Variants in GLT1D1 observed in about 807,000 individuals in gnomAD.
The protein encoded by GLT1D1 is glycosyltransferase 1 domain-containing protein 1.
GLT1D1 carries 21 observed loss-of-function variants against 28.7 expected under a neutral mutation model. The ratio of observed to expected loss-of-function variants is 0.73; its 90% CI spans 0.52 to 1.05. The LOEUF (loss-of-function observed/expected upper bound fraction) is 1.05, where lower values mean the gene tolerates loss of function less well. Ranked by LOEUF, GLT1D1 falls within the 50% of genes least tolerant of loss-of-function variation. The pLI, the probability that GLT1D1 is intolerant of heterozygous loss-of-function variation, is 0.00. For synonymous variants in GLT1D1, 147 were observed against 124.8 expected (o/e 1.18, Z -1.19); for missense variants, 343 against 330.6 (o/e 1.04, Z -0.29).
rs147077792 is a variant in GLT1D1 at position 128,907,094 on chromosome 12, A to G, written c.375+7807A>G. ...CTTCTCCCTCTTCCTGCATGGCCCCATTGCTTTATGTCTGATTACCTCGGA... is the reference window on the plus strand; with the variant it reads ...CTTCTCCCTCTTCCTGCATGGCCCCGTTGCTTTATGTCTGATTACCTCGGA... On this transcript the variant is annotated intron_variant, in intron 4 of 7. Coordinates refer to ENST00000281703, the MANE Select transcript of GLT1D1 (RefSeq NM_144669.3). The G allele has an allele frequency of 3.8e-5, 24 of 638,906 alleles. 1 individual carries two copies. The highest frequency in any genetic ancestry group is 1.7e-4 in the Admixed American group (7 of 42,200). The allele number at this position is 638,906 out of a possible 1,614,324, so 39.6% of individuals were successfully genotyped here. A position where few individuals can be genotyped will look rare whatever the true frequency, so the allele number is the denominator to read the frequency against.
At chr12:128,943,489 A>G (rs1875611666) in intron 4 of GLT1D1, among the ~76,000 whole-genome samples, 1 of 152,178 alleles carries the variant, frequency 6.6e-6, no homozygotes, top group African/African-American at 2.4e-5. Flanking sequence ...CTGAAAACAT[A>G]TAGATTTTAA....
intron 3 of GLT1D1, among the ~76,000 whole-genome samples, chr12:128,891,668 A>G (rs1869072221): frequency 6.6e-6 from 1 of 152,150 alleles, no homozygotes; most frequent in Admixed American, 6.6e-5. Flanking sequence ...CGGGAGCCTC[A>G]GATTCCTTGT....
rs9300290 is a variant in GLT1D1, at chr12:128,959,420, A to T, written c.639+1777A>T. ...CAGCTTCATGAGGCAGTGGGGGGGG[A>T]CGGGTGGGGAGGTGGCAGCGGGGTG... On this transcript the variant is annotated intron_variant, in intron 7 of 7. Coordinates refer to ENST00000281703, the MANE Select transcript of GLT1D1 (RefSeq NM_144669.3). 6.4e-4 allele frequency among the ~76,000 whole-genome samples: 30 copies of T among 46,894 alleles called. 1 individual carries two copies. In the East Asian group the frequency reaches 0.064, roughly 100 times the overall value. 30.8% of individuals were successfully genotyped at this position (46,894 alleles called of 152,430 possible). A position where few individuals can be genotyped will look rare whatever the true frequency, so the allele number is the denominator to read the frequency against.
chr12:128,892,154 G>T (rs998239231), intron 3 of GLT1D1, among the ~76,000 whole-genome samples: 6 of 152,174 alleles, frequency 3.9e-5, no homozygotes, highest in Non-Finnish European at 8.8e-5. Flanking sequence ...TCAGTGAGCA[G>T]AGGGGTGACT....
intron 6 of GLT1D1, among the ~76,000 whole-genome samples, chr12:128,951,948 G>A (rs962995639): frequency 8.5e-5 from 13 of 152,156 alleles, no homozygotes; most frequent in African/African-American, 2.9e-4. Flanking sequence ...TTCCTTGGAG[G>A]CAGGGCCGTG....
Position 128,926,575 on chromosome 12 carries a change from G to A in GLT1D1, c.376-18751G>A, listed in dbSNP as rs138284503. 576 of 562,592 alleles carry A rather than the reference G, an allele frequency of 1.0e-3. 2 individuals are homozygous for A. Among genetic ancestry groups the A allele is most frequent in the African/African-American group, 8.9e-3 (466 of 52,170 alleles). The allele number at this position is 562,592 out of a possible 1,614,324, so 34.9% of individuals were successfully genotyped here. A position where few individuals can be genotyped will look rare whatever the true frequency, so the allele number is the denominator to read the frequency against. ...TCATTCTTTGCACGTGAGCAGAACT[G>A]TTTCTAGATTGCTACTTTGGAAAAG... On this transcript the variant is annotated intron_variant, in intron 4 of 7. Coordinates refer to ENST00000281703, the MANE Select transcript of GLT1D1 (RefSeq NM_144669.3).
At chr12:128,921,166 C>T (rs968155919) in intron 4 of GLT1D1, among the ~76,000 whole-genome samples, 1 of 151,864 alleles carries the variant, frequency 6.6e-6, no homozygotes, top group Non-Finnish European at 1.5e-5. Context: ...ATAAGCTACT[C>T]AAATCCAAAT....
At chr12:128,875,878 C>G (rs753895212) in intron 1 of GLT1D1, 36 bp from the exon 2 acceptor site, 5 of 1,587,080 alleles carry the variant, frequency 3.2e-6, no homozygotes, top group Non-Finnish European at 4.3e-6. Flanking sequence ...AACATTTTCC[C>G]CTCATCTTCT....
intron 4 of GLT1D1, among the ~76,000 whole-genome samples, chr12:128,917,437 G>C (rs970807129): frequency 1.3e-5 from 2 of 151,938 alleles, no homozygotes; most frequent in Non-Finnish European, 2.9e-5. Flanking sequence ...CACCACACCT[G>C]GCTAATTTTC....
At position 128,875,269 on chromosome 12, in the gene GLT1D1, G is replaced by T. The variant is rs578129022; in HGVS notation, c.69-645G>T. Among the ~76,000 whole-genome samples, 7 of 152,294 alleles carry T rather than the reference G, an allele frequency of 4.6e-5. No homozygotes were observed. In the South Asian group the frequency reaches 1.5e-3, roughly 32 times the overall value. ...GAAATAGAAAAGGAGCTGCTGTCTG[G>T]TATGGCAAATGCCACTGGAGGTGGC... is the stretch of plus-strand genomic sequence containing the variant. On this transcript the variant is annotated intron_variant, in intron 1 of 7. Coordinates refer to ENST00000281703, the MANE Select transcript of GLT1D1 (RefSeq NM_144669.3).
At chr12:128,961,688 C>T (rs1406216365) in intron 7 of GLT1D1, among the ~76,000 whole-genome samples, 10 of 152,062 alleles carry the variant, frequency 6.6e-5, no homozygotes, top group African/African-American at 2.2e-4. Context: ...TTGTTCTATT[C>T]GGATTGGATG....
At chr12:128,853,706 C>T in intron 1 of GLT1D1, 57 bp downstream of exon 1, 4 of 1,015,916 alleles carry the variant, frequency 3.9e-6, no homozygotes, top group Non-Finnish European at 4.8e-6. Flanking sequence ...GGGGCGGGGA[C>T]GCGGGACCCG....
intron 7 of GLT1D1, among the ~76,000 whole-genome samples, chr12:128,962,477 G>A (rs1878065203): frequency 6.6e-6 from 1 of 152,186 alleles, no homozygotes; most frequent in African/African-American, 2.4e-5. Flanking sequence ...AGGAATGAGT[G>A]GAGGGAGTAG....
chr12:128,969,918 C>A (rs1373147453), intron 7 of GLT1D1, among the ~76,000 whole-genome samples: 10 of 152,102 alleles, frequency 6.6e-5, no homozygotes, highest in Admixed American at 6.5e-4. Flanking sequence ...CAGCTGGGGA[C>A]TGTGATTAGG....
intron 4 of GLT1D1, among the ~76,000 whole-genome samples, chr12:128,926,088 G>T (rs1051418775): frequency 4.0e-5 from 6 of 151,796 alleles, no homozygotes; most frequent in Non-Finnish European, 8.8e-5. Flanking sequence ...TACTCAGGAG[G>T]CTGAGGCAGG....
chr12:128,944,830 G>T, intron 4 of GLT1D1: 1 of 250,488 alleles, frequency 4.0e-6, no homozygotes, highest in South Asian at 9.1e-5. Context: ...AAAGTTCTGG[G>T]GTACATGTGC....
intron 7 of GLT1D1, among the ~76,000 whole-genome samples, chr12:128,975,967 C>G (rs1053806022): frequency 6.6e-6 from 1 of 152,148 alleles, no homozygotes; most frequent in African/African-American, 2.4e-5. Context: ...GGAGAACAAT[C>G]AACGTACGCT....
intron 7 of GLT1D1, among the ~76,000 whole-genome samples, chr12:128,980,781 C>A (rs1880239237): frequency 6.6e-6 from 1 of 152,190 alleles, no homozygotes; most frequent in South Asian, 2.1e-4. Context: ...CCGATATATC[C>A]TGTCAGTCAA....
chr12:128,977,397 C>T lies in GLT1D1; in HGVS notation c.640-5532C>T, dbSNP rs897545326. On this transcript the variant is annotated intron_variant, in intron 7 of 7. Transcript: ENST00000281703. ...ATCACAAGTGCATTACCTGAGCCAGCGTTGGCACACCTGTGGCCCTGGACC... is the reference window on the plus strand; with the variant it reads ...ATCACAAGTGCATTACCTGAGCCAGTGTTGGCACACCTGTGGCCCTGGACC... Among the ~76,000 whole-genome samples the T allele has an allele frequency of 3.9e-5, 6 of 152,142 alleles. No homozygotes were observed. In the East Asian group the frequency reaches 5.8e-4, roughly 15 times the overall value.
Sources: gnomAD v4.1 joint callset for allele counts (sites outside exome capture counted in the v4.1 genomes callset) on GRCh38, gnomAD v4.1.1 for gene constraint, MANE v1.5 for transcripts, NCBI Gene and HGNC (gene_info 2026-07-23, HGNC 2026-07-21) for gene names.